The following ZBTB16 variants were observed in gnomAD, a reference collection of about 807,000 sequenced individuals.
ZBTB16 encodes the protein zinc finger and BTB domain-containing protein 16.
In ZBTB16, 8 loss-of-function variants were observed where a neutral mutation model predicts 56.8. The ratio of observed to expected loss-of-function variants is 0.14; its 90% CI spans 0.08 to 0.25. The LOEUF (loss-of-function observed/expected upper bound fraction) is 0.25. Among genes scored for constraint, ZBTB16 ranks in the 10% least tolerant of loss-of-function variants. The pLI is 1.00. For synonymous variants in ZBTB16, 363 were observed against 368.5 expected (o/e 0.98, Z 0.17); for missense variants, 625 against 903.0 (o/e 0.69, Z 3.95).
intron 2 of ZBTB16, among the ~76,000 whole-genome samples, chr11:114,120,459 T>A (rs1265382405): frequency 6.6e-6 from 1 of 152,168 alleles, no homozygotes; most frequent in African/African-American, 2.4e-5. Flanking sequence ...TCCCTTTCCT[T>A]CAGTCCACCC....
rs182579248 is a variant in ZBTB16 at position 114,212,129 on chromosome 11, T to C, written c.1453+25091T>C. Among the ~76,000 whole-genome samples, 471 of 151,406 alleles carry C rather than the reference T, an allele frequency of 3.1e-3. 3 individuals are homozygous for C. The highest frequency in any genetic ancestry group is 0.011 in the African/African-American group (451 of 41,298). On this transcript the variant is annotated intron_variant, in intron 4 of 6. Transcript: ENST00000335953. Reference sequence around the variant, plus strand: ...CTGTGCACAAAACAGCTTTTTCTTTTCCTTGGGAAAGGGGGGATGGGGAGG... The same window carrying C: ...CTGTGCACAAAACAGCTTTTTCTTTCCCTTGGGAAAGGGGGGATGGGGAGG...
At chr11:114,162,039 T>C (rs1002726346) in intron 3 of ZBTB16, among the ~76,000 whole-genome samples, 1 of 152,196 alleles carries the variant, frequency 6.6e-6, no homozygotes, top group African/African-American at 2.4e-5. Context: ...GAAGCATCCC[T>C]GAGATGAGGC....
Position 114,247,379 on chromosome 11 carries a change from G to A in ZBTB16, c.1792+14G>A, listed in dbSNP as rs762100893. 6.2e-7 allele frequency: 1 copy of A among 1,614,132 alleles called. No homozygotes were observed. The highest frequency in any genetic ancestry group is 1.1e-5 in the South Asian group (1 of 91,076). ...GGGTGCACACAGGTACCGAAGGCCA[G>A]GGAGGGGCCTGAGCTGGCTCTGGGA... On this transcript the variant is annotated intron_variant, in intron 6 of 6. Transcript: ENST00000335953.
At chr11:114,221,082 C>T (rs78461188) in intron 4 of ZBTB16, among the ~76,000 whole-genome samples, 3,584 of 152,316 alleles carry the variant, frequency 0.024, 168 homozygotes, top group East Asian at 0.16. Flanking sequence ...ACCCACTCCC[C>T]CCTCATGCCC....
intron 4 of ZBTB16, among the ~76,000 whole-genome samples, chr11:114,207,673 G>A (rs1193877821): frequency 6.6e-6 from 1 of 151,858 alleles, no homozygotes; most frequent in Non-Finnish European, 1.5e-5. Flanking sequence ...TAGTGCAGTG[G>A]CAAGATCTCA....
intron 2 of ZBTB16, among the ~76,000 whole-genome samples, chr11:114,139,626 CGTGTGTGTGTGTGTGTGTGTGTGT>C (rs750514241): frequency 7.2e-6 from 1 of 138,568 alleles, no homozygotes; most frequent in African/African-American, 2.8e-5. Flanking sequence ...CCGCGGTCCA[CGTGTGTGTGTGTGTGTGTGTGTGT>C]GTGTGTGTGT....
intron 5 of ZBTB16, 108 bp downstream of exon 5, chr11:114,242,445 T>C: frequency 6.8e-7 from 1 of 1,478,534 alleles, no homozygotes; most frequent in South Asian, 1.2e-5. Context: ...CCTTCAGTCC[T>C]TCTGCTCAAG....
intron 2 of ZBTB16, among the ~76,000 whole-genome samples, chr11:114,132,611 G>T (rs1396371435): frequency 6.6e-6 from 1 of 152,176 alleles, no homozygotes; most frequent in East Asian, 1.9e-4. Flanking sequence ...GGAAAGCCCT[G>T]TGTAAATTGC....
At chr11:114,119,241 G>T (rs1165103300) in intron 2 of ZBTB16, among the ~76,000 whole-genome samples, 1 of 138,350 alleles carries the variant, frequency 7.2e-6, no homozygotes, top group African/African-American at 2.7e-5. Flanking sequence ...CTCCAGCCCG[G>T]GTGAGAGAGT....
intron 3 of ZBTB16, among the ~76,000 whole-genome samples, chr11:114,162,825 A>G (rs958514448): frequency 1.3e-5 from 2 of 152,186 alleles, no homozygotes; most frequent in African/African-American, 4.8e-5. Context: ...CAGAGAGTGG[A>G]AAGGGTGAAG....
At chr11:114,125,594 C>CT (rs753321263) in intron 2 of ZBTB16, among the ~76,000 whole-genome samples, 4 of 151,842 alleles carry the variant, frequency 2.6e-5, no homozygotes, top group Admixed American at 6.6e-5. Context: ...CAGAAGGGGC[C>CT]TGTCTTGCCT....
intron 3 of ZBTB16, among the ~76,000 whole-genome samples, chr11:114,178,403 C>T (rs1043730072): frequency 6.6e-6 from 1 of 152,066 alleles, no homozygotes; most frequent in Non-Finnish European, 1.5e-5. Context: ...AGAAACAGGC[C>T]CAGAAGAGAT....
intron 4 of ZBTB16, among the ~76,000 whole-genome samples, chr11:114,231,502 G>A (rs1319098809): frequency 6.6e-6 from 1 of 152,132 alleles, no homozygotes; most frequent in Non-Finnish European, 1.5e-5. Context: ...CCAGTTCTAG[G>A]AGGTCTTAAG....
intron 3 of ZBTB16, among the ~76,000 whole-genome samples, chr11:114,174,153 G>A (rs572430156): frequency 1.3e-5 from 2 of 152,242 alleles, no homozygotes; most frequent in African/African-American, 2.4e-5. Flanking sequence ...TGAGGTCTAC[G>A]CAGAGGCAAG....
chr11:114,107,127 C>T (rs1318175996), intron 2 of ZBTB16, among the ~76,000 whole-genome samples: 2 of 152,072 alleles, frequency 1.3e-5, no homozygotes, highest in Non-Finnish European at 2.9e-5. Context: ...CCCTGGTGAT[C>T]GCTCTGATTT....
At chr11:114,199,841 A>T (rs3782002) in intron 4 of ZBTB16, among the ~76,000 whole-genome samples, 29,252 of 152,140 alleles carry the variant, frequency 0.19, 2,842 homozygotes, top group East Asian at 0.22. Context: ...AAAACCATAC[A>T]TGTGGGGCCG....
intron 4 of ZBTB16, among the ~76,000 whole-genome samples, chr11:114,229,405 C>T (rs1233986676): frequency 1.3e-5 from 2 of 152,130 alleles, no homozygotes; most frequent in African/African-American, 2.4e-5. Flanking sequence ...AACTATGGGC[C>T]GCCTGGCTGC....
rs145434904 is a variant in ZBTB16 at position 114,099,910 on chromosome 11, T to C, written c.1268+35342T>C. Among the ~76,000 whole-genome samples, 819 of 152,362 alleles carry C rather than the reference T, an allele frequency of 5.4e-3. 4 individuals are homozygous for C. The highest frequency in any genetic ancestry group is 8.9e-3 in the Non-Finnish European group (605 of 68,042). On this transcript the variant is annotated intron_variant, in intron 2 of 6. Coordinates refer to ENST00000335953, the MANE Select transcript of ZBTB16 (RefSeq NM_006006.6). ...CATGACACACACTCTTCAATGCTCCTGTGCCTTCCTAAGAGGTGTCTGTCT... is the reference window on the plus strand; with the variant it reads ...CATGACACACACTCTTCAATGCTCCCGTGCCTTCCTAAGAGGTGTCTGTCT...
chr11:114,240,336 G>T (rs564145883), intron 4 of ZBTB16, among the ~76,000 whole-genome samples: 2 of 152,152 alleles, frequency 1.3e-5, no homozygotes, highest in Non-Finnish European at 2.9e-5. Flanking sequence ...TCCATTGATG[G>T]CCAGGAAGGC....
Sources: allele counts gnomAD v4.1 joint callset (sites outside exome capture counted in the v4.1 genomes callset), GRCh38; gene constraint gnomAD v4.1.1; transcripts MANE v1.5; gene names NCBI Gene and HGNC (gene_info 2026-07-23, HGNC 2026-07-21).